Variants in STK32B observed in about 807,000 individuals in gnomAD.
STK32B encodes serine/threonine-protein kinase 32B.
A neutral mutation model predicts 52.6 loss-of-function variants in STK32B; 43 were observed. The ratio of observed to expected loss-of-function variants is 0.82; its 90% CI spans 0.64 to 1.05. STK32B has a LOEUF of 1.05. Among genes scored for constraint, STK32B ranks in the 50% least tolerant of loss-of-function variants. STK32B has a pLI of 0.00. For synonymous variants in STK32B, 238 were observed against 204.3 expected (o/e 1.17, Z -1.41); for missense variants, 621 against 534.6 (o/e 1.16, Z -1.59).
Position 5,226,503 on chromosome 4 carries a change from C to T in STK32B, c.260+58053C>T, listed in dbSNP as rs561316225. ...CGGAAAAGCATGATGAAATCTCATGCCTGCCCCGTCCATCCCACCTGGGAC... is the reference window on the plus strand; with the variant it reads ...CGGAAAAGCATGATGAAATCTCATGTCTGCCCCGTCCATCCCACCTGGGAC... On this transcript the variant is annotated intron_variant, in intron 3 of 11. Coordinates refer to ENST00000282908, the MANE Select transcript of STK32B (RefSeq NM_018401.3). Among the ~76,000 whole-genome samples the T allele has an allele frequency of 2.6e-5, 4 of 152,274 alleles. No homozygotes were observed. In the South Asian group the frequency reaches 6.2e-4, roughly 24 times the overall value.
At position 5,075,519 on chromosome 4, in the gene STK32B, A is replaced by G. The variant is rs909552658; in HGVS notation, c.52+23604A>G. Among the ~76,000 whole-genome samples, 4 of 152,264 alleles carry G rather than the reference A, an allele frequency of 2.6e-5. No individual in the cohort carries two copies. The East Asian group carries it at 5.8e-4, about 22-fold the overall frequency. On this transcript the variant is annotated intron_variant, in intron 1 of 11. Coordinates refer to ENST00000282908, the MANE Select transcript of STK32B (RefSeq NM_018401.3). ...AGTAGGTTCATAATTCATTTCAGCC[A>G]TTAACCCTTGTGTCCTCCTTGTGCC...
intron 6 of STK32B, among the ~76,000 whole-genome samples, chr4:5,419,037 A>G (rs920059145): frequency 6.6e-6 from 1 of 152,208 alleles, no homozygotes; most frequent in African/African-American, 2.4e-5. Flanking sequence ...TTCCTTACAG[A>G]TATAAAAAGA....
intron 4 of STK32B, among the ~76,000 whole-genome samples, chr4:5,336,494 A>G (rs1257927092): frequency 1.3e-5 from 2 of 152,184 alleles, no homozygotes; most frequent in African/African-American, 2.4e-5. Context: ...ACATCAAAAT[A>G]ACTATGATCA....
intron 2 of STK32B, chr4:5,140,350 T>C: frequency 8.3e-7 from 1 of 1,208,382 alleles, no homozygotes; most frequent in Non-Finnish European, 1.1e-6. Context: ...TTTGAAAAGG[T>C]ATAGAAGGCT....
intron 3 of STK32B, among the ~76,000 whole-genome samples, chr4:5,230,272 C>T (rs996226154): frequency 1.4e-5 from 2 of 143,918 alleles, no homozygotes; most frequent in Non-Finnish European, 3.0e-5. Flanking sequence ...TCACTGCAAC[C>T]TCCGCCTTCT....
intron 3 of STK32B, among the ~76,000 whole-genome samples, chr4:5,228,589 T>G (rs1724031316): frequency 6.6e-6 from 1 of 152,214 alleles, no homozygotes; most frequent in South Asian, 2.1e-4. Context: ...TTGGAGATAG[T>G]GCAGTTCAGT....
At chr4:5,242,708 T>C (rs1725124803) in intron 3 of STK32B, among the ~76,000 whole-genome samples, 2 of 151,242 alleles carry the variant, frequency 1.3e-5, no homozygotes, top group South Asian at 4.1e-4. Flanking sequence ...TTTATGGTTT[T>C]AGGTCTAACA....
At chr4:5,201,392 A>T (rs919691085) in intron 3 of STK32B, among the ~76,000 whole-genome samples, 11 of 152,144 alleles carry the variant, frequency 7.2e-5, no homozygotes, top group Admixed American at 5.2e-4. Context: ...GCCACAGTAT[A>T]GGCACAACCG....
chr4:5,128,102 A>T (rs1715521443), intron 1 of STK32B, among the ~76,000 whole-genome samples: 1 of 152,212 alleles, frequency 6.6e-6, no homozygotes, highest in Non-Finnish European at 1.5e-5. Context: ...AGACTAATAC[A>T]GCTGGCAACT....
rs145738642 is a variant in STK32B at position 5,444,286 on chromosome 4, C to T, written c.563-2387C>T. 1.8e-3 allele frequency among the ~76,000 whole-genome samples: 271 copies of T among 152,314 alleles called. 9 individuals carry two copies. The East Asian group carries it at 0.046, about 26-fold the overall frequency. The stretch of plus-strand genomic sequence containing the variant: ...GGTGTAGGACCCTCCAAGTCAGGTG[C>T]GGGATATAATCTTGTGGTGCACCGT... On this transcript the variant is annotated intron_variant, in intron 6 of 11. Transcript: ENST00000282908.
At chr4:5,387,819 A>T (rs1577429999) in intron 4 of STK32B, among the ~76,000 whole-genome samples, 1 of 152,132 alleles carries the variant, frequency 6.6e-6, no homozygotes, top group African/African-American at 2.4e-5. Flanking sequence ...ACCTTGGCTC[A>T]CCGCAACCTC....
the STK32B span, among the ~76,000 whole-genome samples, chr4:5,032,047 A>G: frequency 5.9e-5 from 9 of 152,230 alleles, no homozygotes; most frequent in Non-Finnish European, 1.2e-4. Flanking sequence ...TTTAAAACAA[A>G]TTAACAGAAT....
chr4:5,361,483 C>T (rs1734546560), intron 4 of STK32B, among the ~76,000 whole-genome samples: 1 of 152,262 alleles, frequency 6.6e-6, no homozygotes, highest in African/African-American at 2.4e-5. Flanking sequence ...GCAACACCCG[C>T]ACCTCAGCAT....
At chr4:5,258,551 A>G (rs543358058) in intron 3 of STK32B, among the ~76,000 whole-genome samples, 12 of 152,186 alleles carry the variant, frequency 7.9e-5, no homozygotes, top group African/African-American at 2.9e-4. Context: ...CATTCTCCCC[A>G]GTGTGAGCCC....
intron 6 of STK32B, among the ~76,000 whole-genome samples, chr4:5,440,738 G>A (rs1714655680): frequency 6.6e-6 from 1 of 152,052 alleles, no homozygotes; most frequent in East Asian, 1.9e-4. Flanking sequence ...ATTGGCTGTG[G>A]GTTTGTCATA....
chr4:5,205,252 C>G (rs1263901821), intron 3 of STK32B, among the ~76,000 whole-genome samples: 1 of 152,148 alleles, frequency 6.6e-6, no homozygotes, highest in African/African-American at 2.4e-5. Context: ...TGCCCTCAGA[C>G]TGAATCACAA....
intron 3 of STK32B, among the ~76,000 whole-genome samples, chr4:5,268,678 C>A (rs1269539148): frequency 6.6e-6 from 1 of 151,786 alleles, no homozygotes; most frequent in African/African-American, 2.4e-5. Flanking sequence ...GATGCAGGGA[C>A]CTTCTGTCCT....
chr4:5,333,639 G>C (rs929977311), intron 4 of STK32B, among the ~76,000 whole-genome samples: 3 of 152,114 alleles, frequency 2.0e-5, no homozygotes, highest in African/African-American at 7.2e-5. Flanking sequence ...AATCCTTTTT[G>C]AATTAATTTT....
the STK32B span, among the ~76,000 whole-genome samples, chr4:5,042,232 T>C: frequency 2.6e-5 from 4 of 152,250 alleles, no homozygotes; most frequent in African/African-American, 9.6e-5. Context: ...AACCCCTTGT[T>C]AGAGCCACAG....
Sources: allele counts gnomAD v4.1 joint callset (sites outside exome capture counted in the v4.1 genomes callset), GRCh38; gene constraint gnomAD v4.1.1; transcripts MANE v1.5; gene names NCBI Gene and HGNC (gene_info 2026-07-23, HGNC 2026-07-21).